Variants in NCKAP5 observed in about 807,000 individuals in gnomAD.
NCKAP5 encodes the protein nck-associated protein 5.
In NCKAP5, 92 loss-of-function variants were observed where a neutral mutation model predicts 167.0. That is an observed-to-expected ratio of 0.55 (90% CI 0.47 to 0.66). NCKAP5 has a LOEUF of 0.66. Ranked by LOEUF, NCKAP5 falls within the 30% of genes least tolerant of loss-of-function variation. NCKAP5 has a pLI of 0.00. For missense variants in NCKAP5, 2,378 were observed against 2,315.0 expected (o/e 1.03, Z -0.56); for synonymous variants, 891 against 877.4 (o/e 1.02, Z -0.27).
At chr2:132,995,141 A>T (rs2077556333) in intron 6 of NCKAP5, among the ~76,000 whole-genome samples, 1 of 152,146 alleles carries the variant, frequency 6.6e-6, no homozygotes, top group African/African-American at 2.4e-5. Context: ...GTACACTCTA[A>T]ACACTGCAAA....
At chr2:133,548,529 C>G (rs2104934830) in intron 2 of NCKAP5, among the ~76,000 whole-genome samples, 1 of 151,938 alleles carries the variant, frequency 6.6e-6, no homozygotes, top group South Asian at 2.1e-4. Flanking sequence ...CAGCGGATCT[C>G]TCGGCAGAAA....
At chr2:133,064,413 T>C (rs2080118164) in intron 6 of NCKAP5, among the ~76,000 whole-genome samples, 2 of 151,968 alleles carry the variant, frequency 1.3e-5, no homozygotes, top group Non-Finnish European at 1.5e-5. Flanking sequence ...AAAAATCACA[T>C]ACGTGCCAGA....
intron 5 of NCKAP5, among the ~76,000 whole-genome samples, chr2:133,148,394 A>T (rs963256707): frequency 1.3e-5 from 2 of 152,144 alleles, no homozygotes; most frequent in Non-Finnish European, 2.9e-5. Flanking sequence ...CGTTGTCAGC[A>T]TATCTTCAGT....
chr2:133,405,542 T>A, intron 3 of NCKAP5, among the ~76,000 whole-genome samples: 1 of 152,198 alleles, frequency 6.6e-6, no homozygotes, highest in Non-Finnish European at 1.5e-5. Flanking sequence ...CAATCTCAAC[T>A]GGGGACATGT....
intron 5 of NCKAP5, among the ~76,000 whole-genome samples, chr2:133,132,263 G>A (rs2082629383): frequency 1.3e-5 from 2 of 149,624 alleles, no homozygotes; most frequent in Non-Finnish European, 3.0e-5. Context: ...ATCCAGCATG[G>A]GTGACAGAGC....
At chr2:132,786,265 T>C (rs1223099689) in intron 13 of NCKAP5, among the ~76,000 whole-genome samples, 1 of 152,174 alleles carries the variant, frequency 6.6e-6, no homozygotes, top group Admixed American at 6.5e-5. Flanking sequence ...AGGGAATGAC[T>C]AGAAGATGAT....
At chr2:132,741,098 T>A (rs1430628) in intron 16 of NCKAP5, among the ~76,000 whole-genome samples, 3,676 of 152,124 alleles carry the variant, frequency 0.024, 156 homozygotes, top group African/African-American at 0.084. Context: ...CTTTCTTGAA[T>A]TTATTTTCAT....
chr2:133,621,047 G>C, the NCKAP5 span, among the ~76,000 whole-genome samples: 1 of 152,034 alleles, frequency 6.6e-6, no homozygotes, highest in South Asian at 2.1e-4. Context: ...AAATCAAGAG[G>C]AAAGTTAAAA....
chr2:133,147,529 T>G (rs1050106091), intron 5 of NCKAP5, among the ~76,000 whole-genome samples: 1 of 152,120 alleles, frequency 6.6e-6, no homozygotes, highest in Non-Finnish European at 1.5e-5. Context: ...TCACTGATAG[T>G]GTTCAAGAGA....
intron 3 of NCKAP5, among the ~76,000 whole-genome samples, chr2:133,404,381 G>A (rs1255312875): frequency 6.6e-6 from 1 of 152,224 alleles, no homozygotes; most frequent in Non-Finnish European, 1.5e-5. Flanking sequence ...ACTTCAGACA[G>A]TACCGAGCCC....
intron 3 of NCKAP5, among the ~76,000 whole-genome samples, chr2:133,356,917 G>A (rs959612879): frequency 2.6e-5 from 4 of 152,156 alleles, no homozygotes; most frequent in African/African-American, 9.7e-5. Flanking sequence ...TCCTTCTCGT[G>A]CAATTCAAAG....
chr2:132,780,945 C>T (rs550324361), intron 15 of NCKAP5, 107 bp downstream of exon 15: 3 of 1,118,216 alleles, frequency 2.7e-6, no homozygotes, highest in Admixed American at 3.0e-5. Flanking sequence ...TTTCTTTCCC[C>T]CAGTTGCAAT....
intron 19 of NCKAP5, among the ~76,000 whole-genome samples, chr2:132,721,268 A>G (rs1689896455): frequency 6.6e-6 from 1 of 152,194 alleles, no homozygotes; most frequent in South Asian, 2.1e-4. Context: ...AGATCATGCC[A>G]CTGCACTCCA....
At chr2:133,462,399 C>T (rs1559501309) in intron 3 of NCKAP5, among the ~76,000 whole-genome samples, 1 of 152,116 alleles carries the variant, frequency 6.6e-6, no homozygotes, top group African/African-American at 2.4e-5. Context: ...TGTTTTTGTG[C>T]CGGCTTCGCA....
chr2:132,841,632 T>C (rs558840917), intron 11 of NCKAP5, among the ~76,000 whole-genome samples: 1 of 146,292 alleles, frequency 6.8e-6, no homozygotes, highest in African/African-American at 2.4e-5. Flanking sequence ...GCCAGCACAT[T>C]TGCTGTTTTT....
At chr2:133,329,879 T>G (rs1007309685) in intron 3 of NCKAP5, among the ~76,000 whole-genome samples, 3 of 152,064 alleles carry the variant, frequency 2.0e-5, no homozygotes, top group Non-Finnish European at 4.4e-5. Context: ...ATAGGGATTC[T>G]GAGAGATTCT....
chr2:132,837,666 C>A (rs913963375), intron 11 of NCKAP5, among the ~76,000 whole-genome samples: 7 of 152,120 alleles, frequency 4.6e-5, no homozygotes, highest in African/African-American at 1.7e-4. Flanking sequence ...TGATGTCTTC[C>A]TTTTTAAAAT....
chr2:133,002,537 T>G (rs2077821586), intron 6 of NCKAP5, among the ~76,000 whole-genome samples: 1 of 152,202 alleles, frequency 6.6e-6, no homozygotes, highest in South Asian at 2.1e-4. Flanking sequence ...GAAACTATTG[T>G]GCATTATAAC....
chr2:132,781,435 T>C (rs1316384849), intron 14 of NCKAP5, among the ~76,000 whole-genome samples: 1 of 152,236 alleles, frequency 6.6e-6, no homozygotes, highest in Non-Finnish European at 1.5e-5. Context: ...TATCATAATG[T>C]ATTTTTTATT....
Sources: gnomAD v4.1 joint callset for allele counts (sites outside exome capture counted in the v4.1 genomes callset) on GRCh38, gnomAD v4.1.1 for gene constraint, MANE v1.5 for transcripts, NCBI Gene and HGNC (gene_info 2026-07-23, HGNC 2026-07-21) for gene names.